Variants in UMPS observed in about 807,000 individuals in gnomAD.
UMPS encodes uridine monophosphate synthetase, also known as uridine 5'-monophosphate synthase.
In UMPS, 21 loss-of-function variants were observed where a neutral mutation model predicts 38.9. The ratio of observed to expected loss-of-function variants is 0.54; its 90% confidence interval spans 0.38 to 0.78. The LOEUF (loss-of-function observed/expected upper bound fraction) is 0.78. Ranked by LOEUF, UMPS falls within the 30% of genes least tolerant of loss-of-function variation. UMPS has a pLI of 0.00. For synonymous variants in UMPS, 208 were observed against 219.3 expected (o/e 0.95, Z 0.45); for missense variants, 533 against 591.6 (o/e 0.90, Z 1.03).
At position 124,742,133 on chromosome 3, in the gene UMPS, C is replaced by T. The variant is rs1353914568; in HGVS notation, c.1159-19C>T. ...GATTAACTGTTTTCTTATAATATGT[C>T]CTATTACATTCCATTTAGGTTAGAA... On this transcript the variant is annotated intron_variant, in intron 4 of 5. Transcript: ENST00000232607. The T allele has an allele frequency of 2.0e-6, 3 of 1,535,474 alleles. No homozygotes were observed. Among genetic ancestry groups the T allele is most frequent in the Non-Finnish European group, 2.7e-6 (3 of 1,109,630 alleles).
intron 2 of UMPS, among the ~76,000 whole-genome samples, chr3:124,735,988 A>C (rs991696344): frequency 6.6e-5 from 10 of 152,020 alleles, no homozygotes; most frequent in Admixed American, 2.0e-4. Flanking sequence ...AACAAAAAAA[A>C]CCCTGAAAAT....
chr3:124,738,244 G>C lies in UMPS; in HGVS notation c.982+5G>C. The stretch of plus-strand genomic sequence containing the variant: ...CAGTGAAAAAGCAGTATGAAGGTAA[G>C]TGTATTATTCAGGAATCTGCAAGAA... On this transcript the variant is annotated splice_donor_5th_base_variant and intron_variant, in intron 3 of 5. Transcript: ENST00000232607. 6.2e-7 allele frequency: 1 copy of C among 1,613,600 alleles called. No homozygotes were observed. The highest frequency in any genetic ancestry group is 8.5e-7 in the Non-Finnish European group (1 of 1,179,872).
In UMPS at chr3:124,730,542, G is replaced by C; in HGVS notation, c.71G>C (p.Gly24Ala). 2 of 1,614,094 alleles carry C rather than the reference G, an allele frequency of 1.2e-6. No individual in the cohort carries two copies. Among genetic ancestry groups the C allele is most frequent in the Non-Finnish European group, 1.7e-6 (2 of 1,179,960 alleles). The change falls in exon 1 of 6, where the codon GGG (glycine) becomes GCG (alanine). Residue 24 changes from glycine to alanine, a missense_variant. Coordinates refer to ENST00000232607, the MANE Select transcript of UMPS (RefSeq NM_000373.4). ...GLYDVQAFKFGDFVLKSGLSS... is the reference protein window; with the variant it reads ...GLYDVQAFKFADFVLKSGLSS... ...TACGACGTGCAGGCTTTCAAGTTTG[G>C]GGACTTCGTGCTGAAGAGCGGGCTT...
At chr3:124,734,170 G>GT (rs964455260) in intron 1 of UMPS, among the ~76,000 whole-genome samples, 166 of 151,110 alleles carry the variant, frequency 1.1e-3, no homozygotes, top group African/African-American at 3.8e-3. Flanking sequence ...AATAGTCATA[G>GT]TTTTTTTTTG....
In UMPS at chr3:124,730,597, C is replaced by A. The variant is rs143828400; in HGVS notation, c.126C>A (p.Gly42=). Residue 42 remains glycine, a synonymous_variant, in exon 1 of 6, where the codon GGC becomes GGA. Transcript: ENST00000232607. ...CCCCCATCTACATCGATCTGCGGGG[C>A]ATCGTGTCTCGACCGCGTCTTCTGA... ...LSSPIYIDLR[G]IVSRPRLLSQ... is the part of the protein sequence containing the mutation. 170 of 1,612,234 alleles carry A rather than the reference C, an allele frequency of 1.1e-4. No homozygotes were observed. In the African/African-American group the frequency reaches 2.0e-3, roughly 19 times the overall value.
At chr3:124,731,505 G>A in intron 1 of UMPS, 1 of 437,688 alleles carries the variant, frequency 2.3e-6, no homozygotes, top group South Asian at 1.7e-5. Context: ...TTATTTTTTA[G>A]ATGGGATCTC....
In UMPS at chr3:124,740,076, G is replaced by A. The variant is rs771773813; in HGVS notation, c.1035G>A (p.Val345=). 5 of 1,614,132 alleles carry A rather than the reference G, an allele frequency of 3.1e-6. No individual in the cohort carries two copies. The South Asian group carries it at 4.4e-5, about 14-fold the overall frequency. Reference sequence around the variant, plus strand: ...CAGATCTAGTAAATGCTCACGTGGTGCCAGGCTCAGGAGTTGTGAAAGGCC... The same window carrying A: ...CAGATCTAGTAAATGCTCACGTGGTACCAGGCTCAGGAGTTGTGAAAGGCC... The part of the protein sequence containing the change: ...SWADLVNAHV[V]PGSGVVKGLQ... Residue 345 remains valine (V), a synonymous_variant, in exon 4 of 6, where the codon GTG becomes GTA. Coordinates refer to ENST00000232607, the MANE Select transcript of UMPS (RefSeq NM_000373.4).
chr3:124,737,582 G>A lies in UMPS; in HGVS notation c.325G>A (p.Val109Ile). The A allele has an allele frequency of 6.2e-7, 1 of 1,614,162 alleles. No individual in the cohort carries two copies. The highest frequency in any genetic ancestry group is 8.5e-7 in the Non-Finnish European group (1 of 1,180,028). Residue 109 changes from valine (V) to isoleucine (I), a missense_variant, in exon 3 of 6, where the codon GTA becomes ATA. Transcript: ENST00000232607. ...ETKDYGTKRL[V>I]EGTINPGETC... ...TTCTTTTCTAGGAACTAAGCGTCTT[G>A]TAGAAGGAACTATTAATCCAGGAGA... is the stretch of plus-strand genomic sequence containing the variant.
At position 124,745,138 on chromosome 3, in the gene UMPS, C is replaced by G; in HGVS notation, c.*1054C>G. The G allele has an allele frequency of 2.2e-6, 1 of 454,062 alleles. No homozygotes were observed. Among genetic ancestry groups the G allele is most frequent in the Non-Finnish European group, 4.4e-6 (1 of 226,782 alleles). The allele number at this position is 454,062 out of a possible 1,614,324, so 28.1% of individuals were successfully genotyped here. A position where few individuals can be genotyped will look rare whatever the true frequency, so the allele number is the denominator to read the frequency against. On this transcript the variant is annotated 3_prime_UTR_variant, in exon 6 of 6. Coordinates refer to ENST00000232607, the MANE Select transcript of UMPS (RefSeq NM_000373.4). ...GATCCCACATAATTGTCCCAACGGT[C>G]ATTAGTAGAGGGGAGGTAAGCCTTC...
At chr3:124,738,476 A>C in intron 3 of UMPS, 2 of 505,328 alleles carry the variant, frequency 4.0e-6, no homozygotes, top group Non-Finnish European at 7.2e-6. Flanking sequence ...CCCCAAACCA[A>C]TCACTCTAGC....
rs546093506 is a variant in UMPS at position 124,742,014 on chromosome 3, A to G, written c.1159-138A>G. On this transcript the variant is annotated intron_variant, in intron 4 of 5. Coordinates refer to ENST00000232607, the MANE Select transcript of UMPS (RefSeq NM_000373.4). Reference sequence around the variant, plus strand: ...GAGGATCCCTTGAGCCCAGGGGTTCAAGACCAGCCAGGGAACATAGGGAGA... The same window carrying G: ...GAGGATCCCTTGAGCCCAGGGGTTCGAGACCAGCCAGGGAACATAGGGAGA... The G allele has an allele frequency of 2.3e-5, 17 of 749,448 alleles. No individual in the cohort carries two copies. In the African/African-American group the frequency reaches 2.8e-4, roughly 12 times the overall value. The allele number at this position is 749,448 out of a possible 1,614,324, so 46.4% of individuals were successfully genotyped here. A position where few individuals can be genotyped will look rare whatever the true frequency, so the allele number is the denominator to read the frequency against.
chr3:124,730,578 T>C lies in UMPS; in HGVS notation c.107T>C (p.Ile36Thr). Residue 36 changes from isoleucine to threonine, a missense_variant, in exon 1 of 6, where the codon ATC becomes ACC. Coordinates refer to ENST00000232607, the MANE Select transcript of UMPS (RefSeq NM_000373.4). ...CTGAAGAGCGGGCTTTCCTCCCCCA[T>C]CTACATCGATCTGCGGGGCATCGTG... is the stretch of plus-strand genomic sequence containing the variant. The part of the protein sequence containing the change: ...FVLKSGLSSP[I>T]YIDLRGIVSR... The C allele has an allele frequency of 6.2e-7, 1 of 1,613,216 alleles. No homozygotes were observed. The highest frequency in any genetic ancestry group is 1.3e-5 in the African/African-American group (1 of 75,004).
At position 124,738,209 on chromosome 3, in the gene UMPS, A is replaced by G. The variant is rs201047833; in HGVS notation, c.952A>G (p.Ile318Val). The G allele has an allele frequency of 3.7e-5, 59 of 1,614,034 alleles. 1 individual carries two copies. The highest frequency in any genetic ancestry group is 8.9e-5 in the East Asian group (4 of 44,906). The part of the protein sequence containing the change: ...LIFEDRKFAD[I>V]GNTVKKQYEG... ...ATTTGAAGACCGGAAGTTTGCAGAT[A>G]TAGGAAACACAGTGAAAAAGCAGTA... is the stretch of plus-strand genomic sequence containing the variant. The change falls in exon 3 of 6, where the codon ATA becomes GTA. Residue 318 changes from isoleucine to valine, a missense_variant. Coordinates refer to ENST00000232607, the MANE Select transcript of UMPS (RefSeq NM_000373.4).
rs138671830 is a variant in UMPS at position 124,743,966 on chromosome 3, G to C, written c.1325G>C (p.Arg442Pro). 2 of 1,614,166 alleles carry C rather than the reference G, an allele frequency of 1.2e-6. No individual in the cohort carries two copies. The highest frequency in any genetic ancestry group is 2.2e-5 in the East Asian group (1 of 44,874). The change falls in exon 6 of 6, where the codon CGA (arginine) becomes CCA (proline). Residue 442 changes from arginine (R) to proline (P), a missense_variant. Coordinates refer to ENST00000232607, the MANE Select transcript of UMPS (RefSeq NM_000373.4). Reference sequence around the variant, plus strand: ...AGCCCACAAGAAGTTATTGGCAAACGAGGTTCCGATATCATCATTGTAGGT... The same window carrying C: ...AGCCCACAAGAAGTTATTGGCAAACCAGGTTCCGATATCATCATTGTAGGT... ...YNSPQEVIGK[R>P]GSDIIIVGRG...
Position 124,747,476 on chromosome 3 carries a change from CCT to C in UMPS, c.*3397_*3398del, listed in dbSNP as rs1446259559. On this transcript the variant is annotated 3_prime_UTR_variant, in exon 6 of 6. Coordinates refer to ENST00000232607, the MANE Select transcript of UMPS (RefSeq NM_000373.4). ...CCAAACTCTCGTGTTTCTGCTCACC[CCT>C]CTCTGGCTTCTGCCACCACATGGGA... 2 of 453,998 alleles carry C rather than the reference CCT, an allele frequency of 4.4e-6. No individual in the cohort carries two copies. Among genetic ancestry groups the C allele is most frequent in the African/African-American group, 4.0e-5 (2 of 50,008 alleles). 28.1% of individuals were successfully genotyped at this position (453,998 alleles called of 1,614,324 possible).
In UMPS at chr3:124,744,684, C is replaced by G; in HGVS notation, c.*600C>G. The G allele has an allele frequency of 4.4e-6, 2 of 454,142 alleles. No homozygotes were observed. The highest frequency in any genetic ancestry group is 6.9e-4 in the Middle Eastern group (1 of 1,444). 28.1% of individuals were successfully genotyped at this position (454,142 alleles called of 1,614,324 possible). A position where few individuals can be genotyped will look rare whatever the true frequency, so the allele number is the denominator to read the frequency against. On this transcript the variant is annotated 3_prime_UTR_variant, in exon 6 of 6. Coordinates refer to ENST00000232607, the MANE Select transcript of UMPS (RefSeq NM_000373.4). ...TCAGTCTCTCAAAGTGCTGGGATTA[C>G]AGGTGTGAGCCACTGTGCCCAGCCT...
intron 3 of UMPS, among the ~76,000 whole-genome samples, chr3:124,739,067 T>C (rs538966660): frequency 1.3e-5 from 2 of 152,336 alleles, no homozygotes; most frequent in East Asian, 3.9e-4. Context: ...TTCATGTGCT[T>C]AAGATGTCCT....
intron 5 of UMPS, among the ~76,000 whole-genome samples, chr3:124,743,057 G>A (rs1214635403): frequency 6.6e-6 from 1 of 152,078 alleles, no homozygotes; most frequent in East Asian, 1.9e-4. Flanking sequence ...AATAAGGCTG[G>A]GTGCGGGGGC....
rs1244417091 is a variant in UMPS at position 124,748,958 on chromosome 3, A to G, written c.*4874A>G. On this transcript the variant is annotated 3_prime_UTR_variant, in exon 6 of 6. Coordinates refer to ENST00000232607, the MANE Select transcript of UMPS (RefSeq NM_000373.4). ...CAGTGGGAAGTGGACGGGCCGCACA[A>G]CCAAGGTTCTCATGAGGACAACCAT... The G allele has an allele frequency of 4.4e-6, 2 of 453,890 alleles. No homozygotes were observed. Among genetic ancestry groups the G allele is most frequent in the South Asian group, 1.6e-5 (1 of 64,460 alleles). The allele number at this position is 453,890 out of a possible 1,614,324, so 28.1% of individuals were successfully genotyped here.
Sources: allele counts gnomAD v4.1 joint callset (sites outside exome capture counted in the v4.1 genomes callset), GRCh38; gene constraint gnomAD v4.1.1; transcripts MANE v1.5; gene names NCBI Gene and HGNC (gene_info 2026-07-23, HGNC 2026-07-21).